The following WDR25 variants were observed in gnomAD, a reference collection of about 807,000 sequenced individuals.
WDR25 encodes WD repeat-containing protein 25.
In WDR25, 35 loss-of-function variants were observed where a neutral mutation model predicts 47.7. That is an observed-to-expected ratio of 0.73 (90% confidence interval 0.56 to 0.97). The LOEUF is 0.97. Among genes scored for constraint, WDR25 ranks in the 50% least tolerant of loss-of-function variants. The pLI, the probability that WDR25 is intolerant of heterozygous loss-of-function variation, is 0.00. For missense variants in WDR25, 634 were observed against 704.7 expected (o/e 0.90, Z 1.14); for synonymous variants, 248 against 278.9 (o/e 0.89, Z 1.10).
chr14:100,494,964 A>T (rs939350029), intron 4 of WDR25, among the ~76,000 whole-genome samples: 1 of 152,114 alleles, frequency 6.6e-6, no homozygotes, highest in African/African-American at 2.4e-5. Context: ...ACATAGCGAG[A>T]TCATGACTCT....
At chr14:100,490,279 C>T (rs538061881) in intron 4 of WDR25, among the ~76,000 whole-genome samples, 1 of 152,336 alleles carries the variant, frequency 6.6e-6, no homozygotes, top group East Asian at 1.9e-4. Context: ...GTGCTAAGCA[C>T]ATAGTAGGGA....
intron 2 of WDR25, 36 bp downstream of exon 2, chr14:100,381,782 T>C (rs757283781): frequency 1.3e-6 from 2 of 1,503,872 alleles, no homozygotes; most frequent in Admixed American, 4.0e-5. Context: ...TTTCAGATGC[T>C]CTTAGGAATA....
At chr14:100,483,835 C>T (rs1222973312) in intron 3 of WDR25, among the ~76,000 whole-genome samples, 159 bp from the exon 4 acceptor site, 1 of 152,182 alleles carries the variant, frequency 6.6e-6, no homozygotes, top group East Asian at 1.9e-4. Flanking sequence ...AATCTTGCTG[C>T]CACCGCTGTC....
At position 100,420,741 on chromosome 14, in the gene WDR25, G is replaced by C. The variant is rs138113521; in HGVS notation, c.822+38995G>C. Among the ~76,000 whole-genome samples the C allele has an allele frequency of 3.2e-4, 49 of 152,344 alleles. 1 individual carries two copies. In the East Asian group the frequency reaches 7.7e-3, roughly 24 times the overall value. ...GTGTTCACCACTGTATTAGCTAGGA[G>C]TGTATGAGGCTGCAGATAACAGGAA... On this transcript the variant is annotated intron_variant, in intron 2 of 6. Transcript: ENST00000402312.
At position 100,529,504 on chromosome 14, in the gene WDR25, T is replaced by C; in HGVS notation, c.1413+296T>C. 1 of 588,404 alleles carries C rather than the reference T, an allele frequency of 1.7e-6. No homozygotes were observed. The highest frequency in any genetic ancestry group is 3.0e-6 in the Non-Finnish European group (1 of 332,442). 36.4% of individuals were successfully genotyped at this position (588,404 alleles called of 1,614,324 possible). On this transcript the variant is annotated intron_variant, in intron 6 of 6. Coordinates refer to ENST00000402312, the MANE Select transcript of WDR25 (RefSeq NM_001161476.3). The surrounding 1 kb of genome is among the most constrained non-coding windows in gnomAD (Gnocchi z 5.1). Reference sequence around the variant, plus strand: ...GGTCATGGGTGTCATTTCTGCATCCTTCCCTTTCCTCACTGAGGCCAAGCC... The same window carrying C: ...GGTCATGGGTGTCATTTCTGCATCCCTCCCTTTCCTCACTGAGGCCAAGCC...
chr14:100,518,492 T>C (rs1901583860), intron 4 of WDR25, among the ~76,000 whole-genome samples: 1 of 151,670 alleles, frequency 6.6e-6, no homozygotes, highest in Admixed American at 6.6e-5. Context: ...CTCTTTGTGG[T>C]TGCAGAGTCT....
intron 2 of WDR25, among the ~76,000 whole-genome samples, chr14:100,418,800 G>A (rs981520707): frequency 2.6e-5 from 4 of 151,994 alleles, no homozygotes; most frequent in African/African-American, 4.8e-5. Flanking sequence ...CACCTACTCC[G>A]GGAGGGACCT....
chr14:100,439,955 G>T (rs1898618078), intron 2 of WDR25, among the ~76,000 whole-genome samples: 1 of 152,182 alleles, frequency 6.6e-6, no homozygotes, highest in Admixed American at 6.5e-5. Context: ...CCCACTTCCA[G>T]TTGGAGGAAG....
chr14:100,420,128 G>A (rs1161959275), intron 2 of WDR25, among the ~76,000 whole-genome samples: 1 of 152,196 alleles, frequency 6.6e-6, no homozygotes, highest in Non-Finnish European at 1.5e-5. Context: ...ATCTCCAGGG[G>A]CATCTGGAAG....
At chr14:100,420,518 A>T (rs1228502457) in intron 2 of WDR25, among the ~76,000 whole-genome samples, 1 of 152,210 alleles carries the variant, frequency 6.6e-6, no homozygotes, top group Non-Finnish European at 1.5e-5. Flanking sequence ...GCAGTGCTGC[A>T]GTGATCATCT....
chr14:100,413,476 C>T (rs567594707), intron 2 of WDR25, among the ~76,000 whole-genome samples: 14 of 151,678 alleles, frequency 9.2e-5, no homozygotes, highest in East Asian at 7.8e-4. Flanking sequence ...TGCAGTGCCA[C>T]GATCTCGGCT....
At position 100,511,432 on chromosome 14, in the gene WDR25, A is replaced by G. The variant is rs942501807; in HGVS notation, c.1102-14438A>G. Among the ~76,000 whole-genome samples, 4 of 152,294 alleles carry G rather than the reference A, an allele frequency of 2.6e-5. No homozygotes were observed. In the South Asian group the frequency reaches 6.2e-4, roughly 24 times the overall value. On this transcript the variant is annotated intron_variant, in intron 4 of 6. Coordinates refer to ENST00000402312, the MANE Select transcript of WDR25 (RefSeq NM_001161476.3). ...TTCTGGTTGTTTCTTTGTAGATTCT[A>G]TTGGATTTTCTATATAGATAATCAT... is the stretch of plus-strand genomic sequence containing the variant.
intron 4 of WDR25, among the ~76,000 whole-genome samples, chr14:100,495,900 T>G (rs1900714606): frequency 6.6e-6 from 1 of 152,260 alleles, no homozygotes; most frequent in Non-Finnish European, 1.5e-5. Flanking sequence ...GTTTCCATTT[T>G]TGGACATTTG....
chr14:100,520,798 G>A (rs1238646907), intron 4 of WDR25, among the ~76,000 whole-genome samples: 1 of 152,200 alleles, frequency 6.6e-6, no homozygotes, highest in Non-Finnish European at 1.5e-5. Flanking sequence ...GCTGGGCACA[G>A]CACCCTTAGT....
chr14:100,526,145 C>T, intron 5 of WDR25, 105 bp downstream of exon 5: 1 of 1,369,056 alleles, frequency 7.3e-7, no homozygotes, highest in Non-Finnish European at 9.9e-7. Context: ...AGGAGGCTCA[C>T]TGGACTGAAA....
intron 4 of WDR25, among the ~76,000 whole-genome samples, chr14:100,512,937 AC>A (rs1402207754): frequency 1.3e-5 from 2 of 152,224 alleles, no homozygotes; most frequent in Non-Finnish European, 2.9e-5. Flanking sequence ...CATTGTGGTC[AC>A]AGTACATACA....
rs1247795452 is a variant in WDR25, at chr14:100,488,946, A to G, written c.1101+4822A>G. ...AGGGCCTGGACCAGAGCAGGTGTTC[A>G]GGATAACCTGGAGTGAGCTGATGGG... On this transcript the variant is annotated intron_variant, in intron 4 of 6. Transcript: ENST00000402312. The surrounding 1 kb of genome is among the most constrained non-coding windows in gnomAD (Gnocchi z 4.2). Among the ~76,000 whole-genome samples the G allele has an allele frequency of 6.6e-6, 1 of 152,192 alleles. No homozygotes were observed. The highest frequency in any genetic ancestry group is 6.5e-5 in the Admixed American group (1 of 15,276).
chr14:100,428,944 A>G lies in WDR25; in HGVS notation c.823-39077A>G, dbSNP rs2140227498. On this transcript the variant is annotated intron_variant, in intron 2 of 6. Transcript: ENST00000402312. The surrounding 1 kb of genome is among the most constrained non-coding windows in gnomAD (Gnocchi z 4.3). ...CCCGAGCCACTCTGAGTCATCTAAT[A>G]TGGTTTCCCGAGCGTGTCAGCTTCA... 6.6e-6 allele frequency among the ~76,000 whole-genome samples: 1 copy of G among 152,164 alleles called. No homozygotes were observed. Among genetic ancestry groups the G allele is most frequent in the Admixed American group, 6.5e-5 (1 of 15,282 alleles).
chr14:100,391,030 G>A (rs1176826414), intron 2 of WDR25, among the ~76,000 whole-genome samples: 2 of 152,056 alleles, frequency 1.3e-5, no homozygotes, highest in Admixed American at 6.5e-5. Context: ...GGCAATTTAC[G>A]TACTTACAAT....
Sources: gnomAD v4.1 joint callset for allele counts (sites outside exome capture counted in the v4.1 genomes callset) on GRCh38, gnomAD v4.1.1 for gene constraint, Gnocchi (gnomAD v3.1) non-coding constraint, MANE v1.5 for transcripts, NCBI Gene and HGNC (gene_info 2026-07-23, HGNC 2026-07-21) for gene names.